MACF1: variants seen among roughly 807,000 people sequenced by gnomAD.
The protein encoded by MACF1 is microtubule actin crosslinking factor 1, also known as microtubule-actin cross-linking factor 1.
MACF1 carries 193 observed loss-of-function variants against 854.8 expected under a neutral mutation model. That is an observed-to-expected ratio of 0.23 (90% CI 0.20 to 0.25). The LOEUF is 0.25. MACF1 is among the 10% of genes least tolerant of loss of function. MACF1 has a pLI of 1.00. For missense variants in MACF1, 7,722 were observed against 8,929.1 expected, an observed-to-expected ratio of 0.86 and a Z score of 5.45; for synonymous variants, 3,185 against 3,226.7, an observed-to-expected ratio of 0.99 and a Z score of 0.44.
intron 100 of MACF1, chr1:39,484,990 G>C (rs1229602326): frequency 7.5e-6 from 4 of 531,592 alleles, no homozygotes; most frequent in African/African-American, 5.7e-5. Flanking sequence ...ACATTTGAGA[G>C]AATGTAAAAG....
chr1:39,437,063 T>C (rs1335157406), intron 70 of MACF1, among the ~76,000 whole-genome samples: 5 of 152,208 alleles, frequency 3.3e-5, no homozygotes, highest in Non-Finnish European at 5.9e-5. Flanking sequence ...ATCTAACTTG[T>C]TGGTCTAGTC....
At chr1:39,322,502 G>A (rs1244391804) in intron 31 of MACF1, 106 bp from the exon 32 acceptor site, 1 of 899,960 alleles carries the variant, frequency 1.1e-6, no homozygotes, top group Non-Finnish European at 1.8e-6. Flanking sequence ...CCTCCAGCAT[G>A]AGTGGTCACC....
rs1409483226 is a variant in MACF1 at position 39,442,006 on chromosome 1, G to A, written c.18727G>A (p.Val6243Ile). Residue 6243 changes from valine to isoleucine, a missense_variant, in exon 75 of 101, where the codon GTT becomes ATT. Transcript: ENST00000564288. ...TVIKLCTMPP[V>I]GTDLNTVKDQ... is the part of the protein sequence containing the mutation. Reference sequence around the variant, plus strand: ...GATTAAACTCTGCACCATGCCCCCTGTTGGCACTGACCTCAATACTGTTAA... The same window carrying A: ...GATTAAACTCTGCACCATGCCCCCTATTGGCACTGACCTCAATACTGTTAA... 1 of 1,614,134 alleles carries A rather than the reference G, an allele frequency of 6.2e-7. No individual in the cohort carries two copies. The highest frequency in any genetic ancestry group is 8.5e-7 in the Non-Finnish European group (1 of 1,180,020).
At chr1:39,278,844 A>G (rs1645489770) in intron 6 of MACF1, among the ~76,000 whole-genome samples, 1 of 151,952 alleles carries the variant, frequency 6.6e-6, no homozygotes, top group Admixed American at 6.6e-5. Flanking sequence ...TCTCCCCACT[A>G]CCGCCCCTCC....
At position 39,357,588 on chromosome 1, in the gene MACF1, C is replaced by A; in HGVS notation, c.11638C>A (p.Gln3880Lys). ...KQVQTLQDEL[Q>K]KFLQDHKEFE... ...GGTGCAGACACTTCAGGATGAGTTG[C>A]AGAAATTTCTGCAGGATCATAAAGA... The change falls in exon 45 of 101, where the codon CAG (glutamine) becomes AAG (lysine). Residue 3880 changes from glutamine to lysine, a missense_variant. Coordinates refer to ENST00000564288, the MANE Select transcript of MACF1 (RefSeq NM_001394062.1). The A allele has an allele frequency of 6.2e-7, 1 of 1,614,118 alleles. No homozygotes were observed. Among genetic ancestry groups the A allele is most frequent in the South Asian group, 1.1e-5 (1 of 91,082 alleles).
intron 2 of MACF1, among the ~76,000 whole-genome samples, chr1:39,102,430 G>A (rs1642114742): frequency 2.7e-5 from 1 of 37,674 alleles, no homozygotes; most frequent in Non-Finnish European, 5.5e-5. Context: ...CTATTAATTG[G>A]AGGCGGGGGG....
chr1:39,438,777 C>G (rs1034643647), intron 71 of MACF1, among the ~76,000 whole-genome samples: 4 of 144,850 alleles, frequency 2.8e-5, no homozygotes, highest in African/African-American at 1.0e-4. Flanking sequence ...AATTCCCTCT[C>G]TCTAAAAAAA....
Position 39,347,095 on chromosome 1 carries a change from T to C in MACF1, c.10700T>C (p.Leu3567Pro), listed in dbSNP as rs769474620. ...TCCCCTCAGCAGAATCGACAGATGC[T>C]GAGGCTTCTGAATGAACTGCAGAGG... ...DLSPQQNRQM[L>P]RLLNELQRSF... is the part of the protein sequence containing the mutation. Residue 3567 changes from leucine (L) to proline (P), a missense_variant, in exon 41 of 101, where the codon CTG becomes CCG. Coordinates refer to ENST00000564288, the MANE Select transcript of MACF1 (RefSeq NM_001394062.1). 25 of 1,613,656 alleles carry C rather than the reference T, an allele frequency of 1.5e-5. No individual in the cohort carries two copies. The East Asian group carries it at 3.6e-4, about 23-fold the overall frequency.
At chr1:39,134,198 G>T (rs1283244421) in intron 2 of MACF1, among the ~76,000 whole-genome samples, 5 of 121,238 alleles carry the variant, frequency 4.1e-5, no homozygotes, top group Non-Finnish European at 9.4e-5. Context: ...CCGCCACCAC[G>T]CCCGGCTAAT....
intron 2 of MACF1, among the ~76,000 whole-genome samples, chr1:39,242,218 C>T (rs1425568010): frequency 5.3e-5 from 8 of 151,924 alleles, no homozygotes; most frequent in South Asian, 2.1e-4. Context: ...GGCGTAGCAG[C>T]GCATGCCTGT....
At chr1:39,236,060 A>G (rs1644857199) in intron 2 of MACF1, among the ~76,000 whole-genome samples, 1 of 152,174 alleles carries the variant, frequency 6.6e-6, no homozygotes, top group South Asian at 2.1e-4. Flanking sequence ...TCTGTATACT[A>G]AGTCCTTTAC....
At chr1:39,438,653 C>T (rs908566787) in intron 71 of MACF1, among the ~76,000 whole-genome samples, 2 of 151,906 alleles carry the variant, frequency 1.3e-5, no homozygotes, top group African/African-American at 2.4e-5. Context: ...TGGCATGCGC[C>T]TGTAATCCCA....
chr1:39,269,366 G>A (rs769516188), intron 6 of MACF1: 1 of 1,289,858 alleles, frequency 7.8e-7, no homozygotes, highest in South Asian at 1.2e-5. Context: ...GGAGTGTGGA[G>A]GAAGGAACCA....
chr1:39,459,028 C>G lies in MACF1; in HGVS notation c.21197-58C>G, dbSNP rs11206136. ...AGATCTTCTAGGTTTATACATACAG[C>G]TATTTCTCTTTGTATACTAACCAGC... On this transcript the variant is annotated intron_variant, in intron 90 of 100. Transcript: ENST00000564288. 7.7e-4 allele frequency: 1,084 copies of G among 1,403,394 alleles called. 3 individuals carry two copies. The African/African-American group carries it at 0.014, about 18-fold the overall frequency. The allele number at this position is 1,403,394 out of a possible 1,614,324, so 86.9% of individuals were successfully genotyped here.
intron 89 of MACF1, chr1:39,458,136 TC>T (rs1644479274): frequency 2.3e-6 from 1 of 430,680 alleles, no homozygotes; most frequent in African/African-American, 2.0e-5. Flanking sequence ...CCCCCATAAC[TC>T]AATCACATCC....
rs754819097 is a variant in MACF1, at chr1:39,316,519, C to T, written c.3578C>T (p.Ser1193Leu). Residue 1193 changes from serine to leucine, a missense_variant, in exon 28 of 101, where the codon TCG becomes TTG. By Grantham distance (145) the Ser-to-Leu change is moderately radical. This residue lies in a region of MACF1 where 1,137 missense variants were observed against 1,263.0 expected (regional missense o/e 0.90). Coordinates refer to ENST00000564288, the MANE Select transcript of MACF1 (RefSeq NM_001394062.1). ...ADLSALEAHW[S>L]TLRHWLSDVK... ...CTCTCAGCTCTGGAGGCCCATTGGT[C>T]GACATTACGGGTGAGTTGCTCTGAG... 3.1e-6 allele frequency: 5 copies of T among 1,612,806 alleles called. No individual in the cohort carries two copies. Among genetic ancestry groups the T allele is most frequent in the African/African-American group, 2.7e-5 (2 of 74,844 alleles).
intron 2 of MACF1, among the ~76,000 whole-genome samples, chr1:39,099,719 A>G (rs1642019337): frequency 6.6e-6 from 1 of 152,208 alleles, no homozygotes; most frequent in Non-Finnish European, 1.5e-5. Flanking sequence ...TCAATGAGGC[A>G]TCCATTCCTT....
chr1:39,389,064 C>T (rs573666547), intron 58 of MACF1, among the ~76,000 whole-genome samples: 6 of 151,346 alleles, frequency 4.0e-5, no homozygotes, highest in Non-Finnish European at 5.9e-5. Flanking sequence ...TTTGTAGAGA[C>T]GAGGTTTCAC....
chr1:39,381,893 A>G, intron 55 of MACF1, 60 bp from the exon 56 acceptor site: 1 of 1,163,344 alleles, frequency 8.6e-7, no homozygotes, highest in Non-Finnish European at 1.3e-6. Flanking sequence ...AACATAACTT[A>G]GGTACCAGGC....
Sources: gnomAD v4.1 joint callset for allele counts (sites outside exome capture counted in the v4.1 genomes callset) on GRCh38, gnomAD v4.1.1 for gene constraint, gnomAD v4.1.1 regional missense constraint, MANE v1.5 for transcripts, NCBI Gene and HGNC (gene_info 2026-07-23, HGNC 2026-07-21) for gene names.